Variants in TRPM3 observed in about 807,000 individuals in gnomAD.
TRPM3 encodes the protein transient receptor potential cation channel subfamily M member 3.
In TRPM3, 77 loss-of-function variants were observed where a neutral mutation model predicts 181.2. That is an observed-to-expected ratio of 0.42 (90% CI 0.35 to 0.51). The LOEUF is 0.51. Ranked by LOEUF, TRPM3 falls within the 20% of genes least tolerant of loss-of-function variation. TRPM3 has a pLI of 0.01. For missense variants in TRPM3, 1,759 were observed against 2,196.7 expected (o/e 0.80, Z 3.98); for synonymous variants, 745 against 796.4 (o/e 0.94, Z 1.09).
intron 1 of TRPM3, among the ~76,000 whole-genome samples, chr9:71,378,815 A>T (rs542566894): frequency 3.7e-4 from 56 of 152,194 alleles, no homozygotes; most frequent in Admixed American, 6.6e-4. Context: ...GATCCAAGTA[A>T]GTCCAGCCTT....
chr9:71,430,637 C>T (rs894475613), intron 1 of TRPM3, among the ~76,000 whole-genome samples: 2 of 151,994 alleles, frequency 1.3e-5, no homozygotes, highest in African/African-American at 4.8e-5. Context: ...TATGGTGAAA[C>T]CCCGTCTCTA....
chr9:70,877,455 A>G (rs544654206), intron 1 of TRPM3, among the ~76,000 whole-genome samples: 6 of 152,160 alleles, frequency 3.9e-5, no homozygotes, highest in African/African-American at 1.4e-4. Context: ...GAAATTTGAT[A>G]TTTCAAATGT....
chr9:70,607,277 C>CAGAG (rs1297349203), intron 19 of TRPM3, among the ~76,000 whole-genome samples: 1 of 152,172 alleles, frequency 6.6e-6, no homozygotes, highest in African/African-American at 2.4e-5. Context: ...AATACTCTTA[C>CAGAG]AGAGAAAAAC....
rs960926934 is a variant in TRPM3, at chr9:70,921,607, T to G, written c.178-57096A>C. On this transcript the variant is annotated intron_variant, in intron 1 of 25. Transcript: ENST00000677713. ...TTTTAGACTCAAGTGAGTCTCTAAG[T>G]AGCTCAAAGAGTTTGATACGTGTCT... Among the ~76,000 whole-genome samples, 4 of 152,320 alleles carry G rather than the reference T, an allele frequency of 2.6e-5. No homozygotes were observed. In the South Asian group the frequency reaches 8.3e-4, roughly 32 times the overall value.
chr9:71,280,064 G>A (rs552492715), intron 1 of TRPM3, among the ~76,000 whole-genome samples: 1 of 139,016 alleles, frequency 7.2e-6, no homozygotes, highest in East Asian at 2.3e-4. Context: ...GATGATGAGA[G>A]TGAAACTCCA....
chr9:71,426,271 T>C lies in TRPM3; in HGVS notation c.183+20382A>G, dbSNP rs192600579. 2.5e-4 allele frequency among the ~76,000 whole-genome samples: 36 copies of C among 143,096 alleles called. No homozygotes were observed. In the East Asian group the frequency reaches 7.2e-3, roughly 28 times the overall value. 93.9% of individuals were successfully genotyped at this position (143,096 alleles called of 152,430 possible). A position where few individuals can be genotyped will look rare whatever the true frequency, so the allele number is the denominator to read the frequency against. ...CCATACTGGGAAAATAAATAATCTC[T>C]TCAGCCCCAGCAACTCTTTTTTTTT... On this transcript the variant is annotated intron_variant, in intron 1 of 24. Transcript: ENST00000357533.
At chr9:71,140,777 T>C (rs945643118) in intron 1 of TRPM3, among the ~76,000 whole-genome samples, 6 of 152,150 alleles carry the variant, frequency 3.9e-5, no homozygotes. Context: ...CATGTACTTA[T>C]TCAGGCAAAT....
chr9:71,327,654 C>T (rs979487158), intron 1 of TRPM3, among the ~76,000 whole-genome samples: 5 of 152,152 alleles, frequency 3.3e-5, no homozygotes, highest in African/African-American at 4.8e-5. Context: ...GTTTTTAATT[C>T]TGCATATCCG....
At chr9:70,999,512 G>C (rs2097576788) in intron 1 of TRPM3, among the ~76,000 whole-genome samples, 1 of 152,182 alleles carries the variant, frequency 6.6e-6, no homozygotes, top group South Asian at 2.1e-4. Flanking sequence ...GAAGGGTAAA[G>C]AGTTCAGTAG....
intron 8 of TRPM3, among the ~76,000 whole-genome samples, chr9:70,701,651 TAGC>T (rs994568638): frequency 1.3e-5 from 2 of 152,210 alleles, no homozygotes; most frequent in Non-Finnish European, 2.9e-5. Flanking sequence ...GCCATATTCT[TAGC>T]AGGAACATTT....
At chr9:71,253,626 A>G (rs13287797) in intron 1 of TRPM3, among the ~76,000 whole-genome samples, 60,856 of 151,980 alleles carry the variant, frequency 0.4, 13,009 homozygotes, top group East Asian at 0.52. Flanking sequence ...TACAGCCATT[A>G]CAGAAAATAG....
intron 1 of TRPM3, among the ~76,000 whole-genome samples, chr9:71,218,221 A>G (rs1232822308): frequency 6.6e-6 from 1 of 152,208 alleles, no homozygotes; most frequent in Non-Finnish European, 1.5e-5. Flanking sequence ...AAGCAGGCAT[A>G]CAGTTTGTCT....
chr9:70,979,343 C>T (rs1049544435), intron 1 of TRPM3, among the ~76,000 whole-genome samples: 1 of 152,126 alleles, frequency 6.6e-6, no homozygotes, highest in South Asian at 2.1e-4. Flanking sequence ...GGATGATTCA[C>T]TCATGCTAAG....
intron 19 of TRPM3, among the ~76,000 whole-genome samples, chr9:70,609,091 T>TTAACACATTTAATCTTGATTAAATCCTA (rs2061640003): frequency 6.6e-6 from 1 of 152,212 alleles, no homozygotes; most frequent in Non-Finnish European, 1.5e-5. Flanking sequence ...TTTACATGTT[T>TTAACACATTTAATCTTGATTAAATCCTA]TAACACATTT....
intron 1 of TRPM3, among the ~76,000 whole-genome samples, chr9:71,098,750 C>T (rs1187340049): frequency 6.6e-6 from 1 of 152,150 alleles, no homozygotes; most frequent in South Asian, 2.1e-4. Flanking sequence ...CTATTTATAA[C>T]CTCAAAAACT....
chr9:70,976,097 G>A (rs1298587842), intron 1 of TRPM3, among the ~76,000 whole-genome samples: 1 of 152,138 alleles, frequency 6.6e-6, no homozygotes, highest in African/African-American at 2.4e-5. Context: ...GTGCAAATGA[G>A]TCTCTTCCCA....
chr9:70,833,291 C>T (rs573944090), intron 5 of TRPM3, among the ~76,000 whole-genome samples: 10 of 152,268 alleles, frequency 6.6e-5, no homozygotes, highest in Middle Eastern at 3.4e-3. Flanking sequence ...AATTGGACTA[C>T]GTCAGGTTTT....
intron 1 of TRPM3, among the ~76,000 whole-genome samples, chr9:71,309,510 A>C (rs2087714549): frequency 6.6e-6 from 1 of 152,124 alleles, no homozygotes; most frequent in Non-Finnish European, 1.5e-5. Context: ...TACTACCATC[A>C]CATATTCCCT....
At chr9:71,264,331 C>T (rs2083248937) in intron 1 of TRPM3, among the ~76,000 whole-genome samples, 1 of 152,136 alleles carries the variant, frequency 6.6e-6, no homozygotes, top group South Asian at 2.1e-4. Context: ...CGCACCTCCC[C>T]TCCCATCTGT....
Sources: allele counts gnomAD v4.1 joint callset (sites outside exome capture counted in the v4.1 genomes callset), GRCh38; gene constraint gnomAD v4.1.1; transcripts MANE v1.5; gene names NCBI Gene and HGNC (gene_info 2026-07-23, HGNC 2026-07-21).